Variants in SHLD1 observed in about 807,000 individuals in gnomAD.
The protein encoded by SHLD1 is RINN1-REV7-interacting novel NHEJ regulator 3.
A neutral mutation model predicts 5.5 loss-of-function variants in SHLD1; 3 were observed. The ratio of observed to expected loss-of-function variants is 0.54; its 90% confidence interval spans 0.25 to 1.40. SHLD1 has a LOEUF of 1.40. Among genes scored for constraint, SHLD1 ranks in the 40% most tolerant of loss-of-function variants. SHLD1 has a pLI of 0.15. For synonymous variants in SHLD1, 92 were observed against 94.3 expected, an observed-to-expected ratio of 0.98 and a Z score of 0.14; for missense variants, 210 against 244.4, an observed-to-expected ratio of 0.86 and a Z score of 0.94.
chr20:5,788,972 A>G (rs932523602), intron 2 of SHLD1, among the ~76,000 whole-genome samples: 2 of 152,028 alleles, frequency 1.3e-5, no homozygotes, highest in Non-Finnish European at 2.9e-5. Flanking sequence ...GTCTCTACTA[A>G]AAATACAAAA....
intron 2 of SHLD1, among the ~76,000 whole-genome samples, chr20:5,834,985 A>G (rs2087773337): frequency 1.3e-5 from 2 of 152,182 alleles, no homozygotes; most frequent in Admixed American, 1.3e-4. Context: ...TCTTAATACT[A>G]TCACCTTGGA....
intron 2 of SHLD1, among the ~76,000 whole-genome samples, chr20:5,828,013 T>TA (rs2087686348): frequency 6.6e-6 from 1 of 152,250 alleles, no homozygotes; most frequent in Non-Finnish European, 1.5e-5. Flanking sequence ...GATGCAAAGA[T>TA]ACGATGAATA....
intron 2 of SHLD1, among the ~76,000 whole-genome samples, chr20:5,826,788 A>G (rs1242609026): frequency 6.6e-6 from 1 of 152,150 alleles, no homozygotes; most frequent in African/African-American, 2.4e-5. Flanking sequence ...GATGCCTCAT[A>G]CAGAATCTGC....
rs1451419090 is a variant in SHLD1, at chr20:5,863,022, A to C, written c.179-2A>C. 2 of 1,576,326 alleles carry C rather than the reference A, an allele frequency of 1.3e-6. No homozygotes were observed. Among genetic ancestry groups the C allele is most frequent in the Non-Finnish European group, 1.7e-6 (2 of 1,163,240 alleles). ...AGTATTGGAATACGTTTTGTCTTGC[A>C]GACACCAGTAACTTAAATATAGAAC... On this transcript the variant is annotated splice_acceptor_variant, in intron 2 of 2. Transcript: ENST00000303142. LOFTEE classifies it high-confidence loss of function.
At chr20:5,794,605 T>G (rs4813777) in intron 2 of SHLD1, among the ~76,000 whole-genome samples, 14 of 152,120 alleles carry the variant, frequency 9.2e-5, no homozygotes, top group African/African-American at 3.4e-4. Flanking sequence ...GTGAGTGTCA[T>G]GTATATTTGT....
chr20:5,768,898 G>A (rs534743758), intron 1 of SHLD1, among the ~76,000 whole-genome samples: 103 of 141,790 alleles, frequency 7.3e-4, no homozygotes, highest in Non-Finnish European at 2.9e-4. Flanking sequence ...TTCTTCTCAT[G>A]TAATTGTTTT....
At chr20:5,857,206 G>C (rs1287005) in intron 2 of SHLD1, among the ~76,000 whole-genome samples, 18,671 of 152,104 alleles carry the variant, frequency 0.12, 1,517 homozygotes, top group East Asian at 0.39. Flanking sequence ...TAACTCCTGA[G>C]CTCAGGTGAT....
chr20:5,788,842 A>AT (rs1168245321), intron 2 of SHLD1, among the ~76,000 whole-genome samples: 1 of 152,050 alleles, frequency 6.6e-6, no homozygotes, highest in East Asian at 1.9e-4. Flanking sequence ...GTGATGTCTA[A>AT]TTTTTTTTGC....
chr20:5,771,796 TTAC>T (rs1473261426), intron 1 of SHLD1: 1 of 192,218 alleles, frequency 5.2e-6, no homozygotes, highest in African/African-American at 2.4e-5. Context: ...AGATTCATTG[TTAC>T]AGTAGATCTT....
intron 2 of SHLD1, among the ~76,000 whole-genome samples, chr20:5,778,078 G>T (rs754414465): frequency 6.7e-6 from 1 of 149,084 alleles, no homozygotes; most frequent in Non-Finnish European, 1.5e-5. Context: ...GGCATATCTG[G>T]TATATTATGA....
At chr20:5,850,511 A>ATT (rs1156477129) in intron 2 of SHLD1, among the ~76,000 whole-genome samples, 19 of 132,676 alleles carry the variant, frequency 1.4e-4, no homozygotes, top group South Asian at 2.4e-4. Flanking sequence ...TTTAGTTTTA[A>ATT]TTTTTTTTTT....
chr20:5,814,144 T>C (rs1208388663), intron 2 of SHLD1, among the ~76,000 whole-genome samples: 8 of 151,658 alleles, frequency 5.3e-5, no homozygotes, highest in Non-Finnish European at 1.2e-4. Context: ...TTTGTAGAGA[T>C]GGGGTTTCTC....
intron 2 of SHLD1, among the ~76,000 whole-genome samples, chr20:5,824,480 GTC>G (rs1345292367): frequency 1.3e-5 from 2 of 152,156 alleles, no homozygotes; most frequent in Non-Finnish European, 2.9e-5. Flanking sequence ...CAAGTAGCTT[GTC>G]TCTCTTGTTC....
At chr20:5,833,658 A>G (rs1362278229) in intron 2 of SHLD1, among the ~76,000 whole-genome samples, 1 of 152,030 alleles carries the variant, frequency 6.6e-6, no homozygotes, top group Non-Finnish European at 1.5e-5. Context: ...AGAGAGAGAG[A>G]GAGACAGAGA....
intron 2 of SHLD1, among the ~76,000 whole-genome samples, chr20:5,808,902 G>T (rs1210806995): frequency 6.6e-6 from 1 of 152,138 alleles, no homozygotes; most frequent in Non-Finnish European, 1.5e-5. Flanking sequence ...CAGTTTAGTT[G>T]GGTTAATATT....
intron 2 of SHLD1, among the ~76,000 whole-genome samples, chr20:5,852,093 C>A (rs2088018298): frequency 6.6e-6 from 1 of 152,150 alleles, no homozygotes; most frequent in Non-Finnish European, 1.5e-5. Flanking sequence ...CTCCCTGAGG[C>A]CTCCTTAGAA....
chr20:5,768,962 T>C (rs1984998584), intron 1 of SHLD1, among the ~76,000 whole-genome samples: 1 of 151,010 alleles, frequency 6.6e-6, no homozygotes, highest in South Asian at 2.1e-4. Context: ...CTGGAGTGCA[T>C]TGGCACAATC....
At chr20:5,755,521 T>C (rs1423335830) in intron 1 of SHLD1, among the ~76,000 whole-genome samples, 2 of 152,128 alleles carry the variant, frequency 1.3e-5, no homozygotes, top group East Asian at 3.9e-4. Flanking sequence ...TCAGAAAGGT[T>C]GGGGGCTACT....
chr20:5,755,525 G>A (rs1488622789), intron 1 of SHLD1, among the ~76,000 whole-genome samples: 1 of 152,016 alleles, frequency 6.6e-6, no homozygotes, highest in South Asian at 2.1e-4. Flanking sequence ...AAAGGTTGGG[G>A]GCTACTGTAG....
Sources: gnomAD v4.1 joint callset for allele counts (sites outside exome capture counted in the v4.1 genomes callset) on GRCh38, gnomAD v4.1.1 for gene constraint, MANE v1.5 for transcripts, NCBI Gene and HGNC (gene_info 2026-07-23, HGNC 2026-07-21) for gene names.